Variants in RNF32 observed in about 807,000 individuals in gnomAD.
The protein encoded by RNF32 is ring finger protein 32.
RNF32 carries 36 observed loss-of-function variants against 41.0 expected under a neutral mutation model. That is an observed-to-expected ratio of 0.88 (90% CI 0.67 to 1.16). The LOEUF is 1.16. Ranked by LOEUF, RNF32 falls within the 50% of genes most tolerant of loss-of-function variation. RNF32 has a pLI of 0.00. For synonymous variants in RNF32, 154 were observed against 160.9 expected (o/e 0.96, Z 0.32); for missense variants, 413 against 436.7 (o/e 0.95, Z 0.48).
rs118076606 is a variant in RNF32, at chr7:156,654,483, A to C, written c.275-93A>C. ...GTATGTGATCTATATGTAGTTCTTT[A>C]ATCTTTGTTTGCAAATGGTGTCATT... On this transcript the variant is annotated intron_variant, in intron 3 of 8. Transcript: ENST00000317955. The C allele has an allele frequency of 1.8e-4, 200 of 1,081,532 alleles. 3 individuals carry two copies. The East Asian group carries it at 4.3e-3, about 23-fold the overall frequency. 67.0% of individuals were successfully genotyped at this position (1,081,532 alleles called of 1,614,324 possible). A position where few individuals can be genotyped will look rare whatever the true frequency, so the allele number is the denominator to read the frequency against.
At chr7:156,643,589 G>A (rs1372376991) in intron 1 of RNF32, among the ~76,000 whole-genome samples, 1 of 152,182 alleles carries the variant, frequency 6.6e-6, no homozygotes, top group Non-Finnish European at 1.5e-5. Context: ...AGGAGCTCAG[G>A]GGTGAACTAT....
chr7:156,675,731 C>G lies in RNF32; in HGVS notation c.720C>G (p.Tyr240Ter), dbSNP rs779157237. The change falls in exon 8 of 9, where the codon TAC (tyrosine) becomes TAG (stop). Residue 240 changes from tyrosine (Y) to a stop codon, truncating the protein, a stop_gained. Transcript: ENST00000317955. LOFTEE classifies it high-confidence loss of function. ...TCAGCCACCGCATCCTGTGCTCATACAACACCAACATTGAAGAGCTCTTTG... is the reference window on the plus strand; with the variant it reads ...TCAGCCACCGCATCCTGTGCTCATAGAACACCAACATTGAAGAGCTCTTTG... ...TEISHRILCSYNTNIEELFAE... is the reference protein window; with the variant it reads ...TEISHRILCS 3 of 1,609,462 alleles carry G rather than the reference C, an allele frequency of 1.9e-6. No homozygotes were observed. Among genetic ancestry groups the G allele is most frequent in the Admixed American group, 1.7e-5 (1 of 59,958 alleles).
At chr7:156,668,323 A>G (rs142403811) in intron 7 of RNF32, among the ~76,000 whole-genome samples, 1 of 152,268 alleles carries the variant, frequency 6.6e-6, no homozygotes, top group African/African-American at 2.4e-5. Context: ...GGAAACAGAA[A>G]AATCTAACAG....
chr7:156,672,162 G>A (rs1434937742), intron 7 of RNF32, among the ~76,000 whole-genome samples: 3 of 152,326 alleles, frequency 2.0e-5, no homozygotes, highest in African/African-American at 4.8e-5. Context: ...GGAGCACTAA[G>A]TGTTAAGGGC....
chr7:156,662,943 G>A (rs1452418196), intron 7 of RNF32, among the ~76,000 whole-genome samples: 1 of 151,392 alleles, frequency 6.6e-6, no homozygotes, highest in Non-Finnish European at 1.5e-5. Flanking sequence ...CGCCTCCCAG[G>A]TTCAGGCCAT....
chr7:156,647,599 T>C (rs1798138952), intron 3 of RNF32, among the ~76,000 whole-genome samples: 1 of 152,210 alleles, frequency 6.6e-6, no homozygotes. Context: ...GCACTTAGGT[T>C]GGTTCCGTAT....
In RNF32 at chr7:156,676,593, C is replaced by G. The variant is rs754762268; in HGVS notation, c.1027C>G (p.Pro343Ala). Residue 343 changes from proline (P) to alanine (A), a missense_variant, in exon 9 of 9, where the codon CCT (proline) becomes GCT (alanine). Physicochemically the swap from Pro to Ala is conservative, Grantham distance 27. Transcript: ENST00000317955. ...AGAGGAGTTCTCCGTGGGAGACAGGCCTCCTTTCCATGCCTGTCCTCTCTG... is the reference window on the plus strand; with the variant it reads ...AGAGGAGTTCTCCGTGGGAGACAGGGCTCCTTTCCATGCCTGTCCTCTCTG... Reference protein sequence around the residue: ...ALEEFSVGDRPPFHACPLCRS... With the variant: ...ALEEFSVGDRAPFHACPLCRS... 5 of 1,614,204 alleles carry G rather than the reference C, an allele frequency of 3.1e-6. No individual in the cohort carries two copies. The highest frequency in any genetic ancestry group is 3.4e-6 in the Non-Finnish European group (4 of 1,180,034).
chr7:156,664,990 T>C (rs1187413863), intron 7 of RNF32, among the ~76,000 whole-genome samples: 1 of 152,230 alleles, frequency 6.6e-6, no homozygotes, highest in Non-Finnish European at 1.5e-5. Flanking sequence ...TGAGGCTTGT[T>C]AAGCTTCTAG....
Position 156,646,332 on chromosome 7 carries a change from C to T in RNF32, c.274+1575C>T. ...GTTCTACAGAAGAATCCTAACTTAC[C>T]TTTCCCTGGTGGTTCCTGGCATTGC... On this transcript the variant is annotated intron_variant, in intron 3 of 8. Transcript: ENST00000317955. The T allele has an allele frequency of 2.9e-6, 3 of 1,031,650 alleles. No individual in the cohort carries two copies. The South Asian group carries it at 4.3e-5, about 15-fold the overall frequency. 63.9% of individuals were successfully genotyped at this position (1,031,650 alleles called of 1,614,324 possible).
chr7:156,655,820 G>C (rs1006510234), intron 4 of RNF32, among the ~76,000 whole-genome samples: 3 of 152,014 alleles, frequency 2.0e-5, no homozygotes, highest in Non-Finnish European at 2.9e-5. Context: ...TGTGAATAAA[G>C]CCAGAGGGTG....
At chr7:156,665,885 A>AT (rs1030390475) in intron 7 of RNF32, among the ~76,000 whole-genome samples, 1 of 152,242 alleles carries the variant, frequency 6.6e-6, no homozygotes, top group Non-Finnish European at 1.5e-5. Flanking sequence ...AAGAAAGACC[A>AT]TTTTAACACC....
intron 7 of RNF32, chr7:156,659,784 TGTAAA>T: frequency 2.9e-6 from 2 of 690,598 alleles, no homozygotes; most frequent in Non-Finnish European, 3.6e-6. Flanking sequence ...TGTGTTATCT[TGTAAA>T]GTAGCCAGTG....
In RNF32 at chr7:156,643,844, G is replaced by A; in HGVS notation, c.-34G>A. On this transcript the variant is annotated 5_prime_UTR_variant, in exon 2 of 9. In the 5' UTR this introduces an upstream ATG that the reference lacks. Coordinates refer to ENST00000317955, the MANE Select transcript of RNF32 (RefSeq NM_030936.4). ...GTGATAGGATGTGATGATAGAATTT[G>A]TGATAGCCAAGCAACAACTTTTCCT... 6 of 1,605,500 alleles carry A rather than the reference G, an allele frequency of 3.7e-6. No homozygotes were observed. The highest frequency in any genetic ancestry group is 5.1e-6 in the Non-Finnish European group (6 of 1,172,332).
intron 3 of RNF32, among the ~76,000 whole-genome samples, chr7:156,652,301 A>C (rs1307919389): frequency 6.6e-6 from 1 of 151,908 alleles, no homozygotes; most frequent in African/African-American, 2.4e-5. Flanking sequence ...TCTCACAGTG[A>C]CGGGATTCGA....
At chr7:156,676,257 GTA>G in intron 8 of RNF32, 160 bp from the exon 9 acceptor site, 2 of 1,430,482 alleles carry the variant, frequency 1.4e-6, no homozygotes, top group Non-Finnish European at 9.6e-7. Context: ...ATATATATAT[GTA>G]TATATATAAA....
chr7:156,676,621 G>C lies in RNF32; in HGVS notation c.1055G>C (p.Arg352Pro). ...RPPFHACPLCRSCYQKKILEC is the reference protein window; with the variant it reads ...RPPFHACPLCPSCYQKKILEC Reference sequence around the variant, plus strand: ...CCTTTCCATGCCTGTCCTCTCTGCCGCTCCTGCTACCAGAAGAAGATTCTT... The same window carrying C: ...CCTTTCCATGCCTGTCCTCTCTGCCCCTCCTGCTACCAGAAGAAGATTCTT... Residue 352 changes from arginine (R) to proline (P), a missense_variant, in exon 9 of 9, where the codon CGC becomes CCC. Coordinates refer to ENST00000317955, the MANE Select transcript of RNF32 (RefSeq NM_030936.4). The C allele has an allele frequency of 6.2e-7, 1 of 1,613,940 alleles. No individual in the cohort carries two copies. Among genetic ancestry groups the C allele is most frequent in the Non-Finnish European group, 8.5e-7 (1 of 1,179,832 alleles).
intron 3 of RNF32, among the ~76,000 whole-genome samples, chr7:156,650,178 G>A (rs866256903): frequency 5.3e-5 from 8 of 152,286 alleles, no homozygotes; most frequent in East Asian, 3.9e-4. Flanking sequence ...GATGTTTGCC[G>A]GGACCAGCCT....
At chr7:156,665,364 T>G (rs1461388678) in intron 7 of RNF32, among the ~76,000 whole-genome samples, 1 of 152,190 alleles carries the variant, frequency 6.6e-6, no homozygotes, top group Non-Finnish European at 1.5e-5. Flanking sequence ...TACTTCTATG[T>G]GTATGCAACT....
intron 7 of RNF32, chr7:156,658,851 T>G: frequency 6.6e-7 from 1 of 1,507,642 alleles, no homozygotes; most frequent in Non-Finnish European, 9.0e-7. Flanking sequence ...TTAAATAAAC[T>G]TATCTCTTCA....
Sources: gnomAD v4.1 joint callset for allele counts (sites outside exome capture counted in the v4.1 genomes callset) on GRCh38, gnomAD v4.1.1 for gene constraint, MANE v1.5 for transcripts, NCBI Gene and HGNC (gene_info 2026-07-23, HGNC 2026-07-21) for gene names.